The following ARVCF variants were observed in gnomAD, a reference collection of about 807,000 sequenced individuals.
ARVCF encodes splicing regulator ARVCF.
A neutral mutation model predicts 90.9 loss-of-function variants in ARVCF; 66 were observed. That is an observed-to-expected ratio of 0.73 (90% confidence interval 0.60 to 0.89). ARVCF has a LOEUF of 0.89. ARVCF is among the 40% of genes least tolerant of loss of function. The pLI is 0.00. For missense variants in ARVCF, 1,469 were observed against 1,382.3 expected, an observed-to-expected ratio of 1.06 and a Z score of -1.00; for synonymous variants, 653 against 603.4, an observed-to-expected ratio of 1.08 and a Z score of -1.21.
At chr22:20,014,169 C>T (rs1944938638) in intron 1 of ARVCF, among the ~76,000 whole-genome samples, 1 of 150,026 alleles carries the variant, frequency 6.7e-6, no homozygotes, top group East Asian at 2.0e-4. Context: ...TACGAGCCAC[C>T]GTGACCAGCC....
chr22:19,965,377 C>G (rs1942333333), downstream of ARVCF: 3 of 152,208 alleles, frequency 2.0e-5, no homozygotes, highest in Admixed American at 2.0e-4. Flanking sequence ...GAGTCTTGCT[C>G]TGTCACCAGG....
rs1298000363 is a variant in ARVCF, at chr22:19,973,310, G to A, written c.2247C>T (p.Tyr749=). 2.5e-6 allele frequency: 4 copies of A among 1,596,594 alleles called. No homozygotes were observed. The highest frequency in any genetic ancestry group is 2.6e-6 in the Non-Finnish European group (3 of 1,176,046). ...DRRNKDLIGS[Y]AMAELVRNVR... is the part of the protein sequence containing the mutation. The stretch of plus-strand genomic sequence containing the variant: ...CATTCCGCACAAGCTCAGCCATGGC[G>A]TAGCTCCCTGAGGGGCAGGACTAGG... The change falls in exon 14 of 20, where the codon TAC becomes TAT. Residue 749 remains tyrosine, a synonymous_variant. Transcript: ENST00000263207.
chr22:19,985,028 T>G (rs1943691494), intron 3 of ARVCF, among the ~76,000 whole-genome samples: 1 of 152,132 alleles, frequency 6.6e-6, no homozygotes, highest in Admixed American at 6.5e-5. Context: ...CCAGTGTCCA[T>G]GTCTGACGTG....
chr22:20,014,477 G>A (rs1208443713), intron 1 of ARVCF, among the ~76,000 whole-genome samples: 1 of 152,252 alleles, frequency 6.6e-6, no homozygotes, highest in Non-Finnish European at 1.5e-5. Context: ...TTACAGGCAT[G>A]AGCCACTGCG....
intron 2 of ARVCF, among the ~76,000 whole-genome samples, chr22:20,003,898 C>T (rs1048614778): frequency 6.6e-6 from 1 of 152,064 alleles, no homozygotes; most frequent in African/African-American, 2.4e-5. Flanking sequence ...AAATAAAAGA[C>T]ATCCAAATTA....
chr22:19,984,666 C>T (rs112014419), intron 3 of ARVCF, among the ~76,000 whole-genome samples: 6 of 152,322 alleles, frequency 3.9e-5, no homozygotes, highest in African/African-American at 1.2e-4. Context: ...CACATCAACC[C>T]GTGTGCTCTA....
In ARVCF at chr22:19,980,133, G is replaced by T; in HGVS notation, c.1006C>A (p.Leu336Met). ...AQPERGSMGS[L>M]DRLVRRSPSV... ...GGCGAGCGCCGCACCAGCCGGTCCA[G>T]GCTGCCCATGCTGCCCCGTTCAGGC... Residue 336 changes from leucine (L) to methionine (M), a missense_variant, in exon 6 of 20, where the codon CTG becomes ATG. Leu to Met is a conservative substitution (Grantham distance 15). Transcript: ENST00000263207. 4 of 1,593,054 alleles carry T rather than the reference G, an allele frequency of 2.5e-6. No individual in the cohort carries two copies. The highest frequency in any genetic ancestry group is 3.4e-6 in the Non-Finnish European group (4 of 1,172,800).
intron 2 of ARVCF, among the ~76,000 whole-genome samples, chr22:19,995,705 G>A (rs1439314385): frequency 6.6e-6 from 1 of 152,212 alleles, no homozygotes; most frequent in East Asian, 1.9e-4. Context: ...GGTCAGGCCA[G>A]TGAAGGGTGG....
At chr22:20,002,700 C>T (rs1944487328) in intron 2 of ARVCF, among the ~76,000 whole-genome samples, 1 of 152,186 alleles carries the variant, frequency 6.6e-6, no homozygotes, top group African/African-American at 2.4e-5. Flanking sequence ...GCTTGCACTG[C>T]TGGGATTCAA....
intron 1 of ARVCF, among the ~76,000 whole-genome samples, chr22:20,012,691 G>A (rs1944880462): frequency 6.6e-6 from 1 of 152,240 alleles, no homozygotes; most frequent in Admixed American, 6.5e-5. Flanking sequence ...GTCCAGACCC[G>A]ATGGCTGGCC....
intron 5 of ARVCF, 144 bp from the exon 6 acceptor site, chr22:19,980,386 G>A: frequency 8.0e-7 from 1 of 1,256,346 alleles, no homozygotes; most frequent in Non-Finnish European, 1.0e-6. Flanking sequence ...CCGGAGCATG[G>A]TGGGGACACA....
At chr22:19,983,825 A>G (rs1185383970) in intron 3 of ARVCF, 1 of 152,254 alleles carries the variant, frequency 6.6e-6, no homozygotes, top group South Asian at 2.1e-4. Flanking sequence ...GTTCCCTGGG[A>G]AAAAGAAATA....
At chr22:19,986,248 T>C (rs1197174555) in intron 3 of ARVCF, among the ~76,000 whole-genome samples, 1 of 152,142 alleles carries the variant, frequency 6.6e-6, no homozygotes, top group Non-Finnish European at 1.5e-5. Flanking sequence ...GGCCAGACCC[T>C]GGGGGCCACA....
At position 19,973,700 on chromosome 22, in the gene ARVCF, C is replaced by T; in HGVS notation, c.2182G>A (p.Ala728Thr). 6.2e-7 allele frequency: 1 copy of T among 1,610,116 alleles called. No homozygotes were observed. Among genetic ancestry groups the T allele is most frequent in the Non-Finnish European group, 8.5e-7 (1 of 1,179,890 alleles). ...LQSETDKVVR[A>T]VAIALRNLSL... Reference sequence around the variant, plus strand: ...AGGTTGCGCAGAGCGATGGCGACGGCGCGCACCACCTTGTCGGTCTCAGAC... The same window carrying T: ...AGGTTGCGCAGAGCGATGGCGACGGTGCGCACCACCTTGTCGGTCTCAGAC... The change falls in exon 13 of 20, where the codon GCC (alanine) becomes ACC (threonine). Residue 728 changes from alanine to threonine, a missense_variant. Transcript: ENST00000263207.
rs116102961 is a variant in ARVCF, at chr22:19,979,056, T to C, written c.1421A>G (p.Tyr474Cys). ...AATGATGACCATCTTCAGGGGCTCA[T>C]AGGATGACAGGTTCCACAGGGTGCC... is the stretch of plus-strand genomic sequence containing the variant. Reference protein sequence around the residue: ...VTGTLWNLSSYEPLKMVIIDH... With the variant: ...VTGTLWNLSSCEPLKMVIIDH... The change falls in exon 7 of 20, where the codon TAT becomes TGT. Residue 474 changes from tyrosine (Y) to cysteine (C), a missense_variant. Tyr to Cys is a radical substitution (Grantham distance 194). Coordinates refer to ENST00000263207, the MANE Select transcript of ARVCF (RefSeq NM_001670.3). 1.6e-5 allele frequency: 26 copies of C among 1,613,066 alleles called. 1 individual carries two copies. Among genetic ancestry groups the C allele is most frequent in the Admixed American group, 1.3e-4 (8 of 59,974 alleles).
At chr22:20,001,046 G>A (rs910127285) in intron 2 of ARVCF, among the ~76,000 whole-genome samples, 1 of 152,102 alleles carries the variant, frequency 6.6e-6, no homozygotes, top group Non-Finnish European at 1.5e-5. Context: ...AGGCACACTC[G>A]TCCACACCCA....
intron 2 of ARVCF, among the ~76,000 whole-genome samples, chr22:19,991,122 G>A (rs1419044043): frequency 6.6e-6 from 1 of 152,244 alleles, no homozygotes; most frequent in African/African-American, 2.4e-5. Context: ...GAGCTCATTA[G>A]AGCTTCTTAC....
rs780756406 is a variant in ARVCF at position 19,971,883 on chromosome 22, T to A, written c.2781+3A>T. 6.2e-7 allele frequency: 1 copy of A among 1,613,274 alleles called. No homozygotes were observed. The highest frequency in any genetic ancestry group is 8.5e-7 in the Non-Finnish European group (1 of 1,179,840). ...ACCTGCCCACAGCCACATGACCACT[T>A]ACTTTCAAGGGTTCCTTCTCAGAGG... On this transcript the variant is annotated splice_donor_region_variant and intron_variant, in intron 18 of 19. Transcript: ENST00000263207.
intron 1 of ARVCF, among the ~76,000 whole-genome samples, 180 bp from the exon 2 acceptor site, chr22:20,010,688 T>C (rs1944794649): frequency 1.3e-5 from 2 of 152,210 alleles, no homozygotes; most frequent in Admixed American, 1.3e-4. Flanking sequence ...TGCCCCCACA[T>C]GTCCAGGACT....
Sources: gnomAD v4.1 joint callset for allele counts (sites outside exome capture counted in the v4.1 genomes callset) on GRCh38, gnomAD v4.1.1 for gene constraint, MANE v1.5 for transcripts, NCBI Gene and HGNC (gene_info 2026-07-23, HGNC 2026-07-21) for gene names.